SPATA18: variants seen among roughly 807,000 people sequenced by gnomAD.
SPATA18 encodes the protein spermatogenesis associated 18, also known as mitochondria-eating protein.
SPATA18 carries 54 observed loss-of-function variants against 68.1 expected under a neutral mutation model. The observed-to-expected ratio is 0.79, with a 90% CI of 0.64 to 0.99. The LOEUF (loss-of-function observed/expected upper bound fraction) is 0.99. SPATA18 is among the 50% of genes least tolerant of loss of function. The probability of loss-of-function intolerance (pLI) is 0.00; values close to 1 mark genes in which losing one functional copy is unlikely to be tolerated. For missense variants in SPATA18, 724 were observed against 681.1 expected, an observed-to-expected ratio of 1.06 and a Z score of -0.70; for synonymous variants, 242 against 244.8, an observed-to-expected ratio of 0.99 and a Z score of 0.11.
At chr4:52,094,703 T>C in intron 12 of SPATA18, 131 bp downstream of exon 12, 4 of 1,274,596 alleles carry the variant, frequency 3.1e-6, no homozygotes, top group South Asian at 1.2e-5. Context: ...ACACCTTTCA[T>C]GTCTGGGCCT....
intron 5 of SPATA18, among the ~76,000 whole-genome samples, chr4:52,070,880 T>TGGG (rs34959256): frequency 3.3e-4 from 47 of 143,870 alleles, no homozygotes; most frequent in African/African-American, 1.0e-3. Flanking sequence ...AAAGAGTAAG[T>TGGG]GGGGGGGGGG....
intron 1 of SPATA18, among the ~76,000 whole-genome samples, chr4:52,052,699 A>G (rs1738006371): frequency 6.6e-6 from 1 of 152,210 alleles, no homozygotes; most frequent in African/African-American, 2.4e-5. Context: ...TTAGTACCTC[A>G]TCTGTGAAAT....
intron 2 of SPATA18, 59 bp downstream of exon 2, chr4:52,060,583 G>T: frequency 1.3e-6 from 2 of 1,520,240 alleles, no homozygotes; most frequent in Non-Finnish European, 1.8e-6. Context: ...TTTTCTTGGT[G>T]CTTTTTTGTG....
chr4:52,052,572 G>A (rs2860055), intron 1 of SPATA18, among the ~76,000 whole-genome samples: 2,127 of 152,242 alleles, frequency 0.014, 25 homozygotes, highest in Non-Finnish European at 0.02. Context: ...TACATAATAA[G>A]TGGAGCGGCC....
chr4:52,059,809 T>C (rs1324381086), intron 1 of SPATA18, among the ~76,000 whole-genome samples: 1 of 152,226 alleles, frequency 6.6e-6, no homozygotes, highest in Non-Finnish European at 1.5e-5. Context: ...GCATATATAA[T>C]ATATACAAAT....
rs1323976001 is a variant in SPATA18, at chr4:52,051,624, A to G, written c.-81A>G. On this transcript the variant is annotated 5_prime_UTR_variant, in exon 1 of 13. Coordinates refer to ENST00000295213, the MANE Select transcript of SPATA18 (RefSeq NM_145263.4). ...AAGAGAACACCCTTCCCGCCATATC[A>G]CCCCACGGTCCTGCGGAGGCCACCG... 5 of 1,308,938 alleles carry G rather than the reference A, an allele frequency of 3.8e-6. No homozygotes were observed. The highest frequency in any genetic ancestry group is 5.5e-6 in the Non-Finnish European group (5 of 903,792). The allele number at this position is 1,308,938 out of a possible 1,614,324, so 81.1% of individuals were successfully genotyped here.
At chr4:52,084,250 A>G (rs996632299) in intron 10 of SPATA18, among the ~76,000 whole-genome samples, 3 of 152,166 alleles carry the variant, frequency 2.0e-5, no homozygotes, top group Non-Finnish European at 4.4e-5. Flanking sequence ...TCAAATAGCC[A>G]TTGCCTTTTA....
chr4:52,051,804 G>T lies in SPATA18; in HGVS notation c.87+13G>T. The stretch of plus-strand genomic sequence containing the variant: ...GAAGGAGTACAACGTGAGTCTGGGT[G>T]AAAAACCCCCGGGGTTCGCCCTCCC... On this transcript the variant is annotated intron_variant, in intron 1 of 12. Coordinates refer to ENST00000295213, the MANE Select transcript of SPATA18 (RefSeq NM_145263.4). The T allele has an allele frequency of 6.2e-7, 1 of 1,611,832 alleles. No homozygotes were observed. The highest frequency in any genetic ancestry group is 1.1e-5 in the South Asian group (1 of 91,074).
At chr4:52,079,978 T>G (rs528826806) in intron 9 of SPATA18, 59 bp downstream of exon 9, 2 of 1,544,352 alleles carry the variant, frequency 1.3e-6, no homozygotes, top group African/African-American at 2.8e-5. Context: ...TCTTGTCTGT[T>G]TCCTGAAAAC....
intron 10 of SPATA18, among the ~76,000 whole-genome samples, chr4:52,084,008 C>T (rs968048369): frequency 6.1e-5 from 9 of 148,460 alleles, no homozygotes; most frequent in Admixed American, 2.7e-4. Context: ...CAAAGTGCTG[C>T]GATTACAGGC....
In SPATA18 at chr4:52,076,786, A is replaced by C; in HGVS notation, c.766A>C (p.Arg256=). 3 of 1,613,460 alleles carry C rather than the reference A, an allele frequency of 1.9e-6. No individual in the cohort carries two copies. Among genetic ancestry groups the C allele is most frequent in the Non-Finnish European group, 2.5e-6 (3 of 1,179,542 alleles). Reference sequence around the variant, plus strand: ...ATTCTCGCTCACCAACAGGTCCTCCAGGAGCCGGTCTCCCAGCCCTGCCCC... The same window carrying C: ...ATTCTCGCTCACCAACAGGTCCTCCCGGAGCCGGTCTCCCAGCCCTGCCCC... ...EKSALQGRSS[R]SRSPSPAPRS... is the part of the protein sequence containing the mutation. The change falls in exon 7 of 13, where the codon AGG becomes CGG. Residue 256 remains arginine, a synonymous_variant. Coordinates refer to ENST00000295213, the MANE Select transcript of SPATA18 (RefSeq NM_145263.4).
intron 1 of SPATA18, among the ~76,000 whole-genome samples, chr4:52,054,474 G>T (rs1326943829): frequency 6.6e-6 from 1 of 152,182 alleles, no homozygotes; most frequent in African/African-American, 2.4e-5. Flanking sequence ...TGATGAATGG[G>T]TTGGCCACAT....
intron 10 of SPATA18, 144 bp from the exon 11 acceptor site, chr4:52,084,770 AGT>A: frequency 1.5e-6 from 1 of 682,740 alleles, no homozygotes; most frequent in Non-Finnish European, 2.5e-6. Flanking sequence ...AGGTGAACGG[AGT>A]GTGGCTTGTG....
At chr4:52,074,241 T>C (rs1163556003) in intron 6 of SPATA18, among the ~76,000 whole-genome samples, 2 of 152,160 alleles carry the variant, frequency 1.3e-5, no homozygotes, top group African/African-American at 2.4e-5. Flanking sequence ...ATTATGAAGA[T>C]AGAATAAAGC....
At chr4:52,056,447 A>G (rs892737480) in intron 1 of SPATA18, among the ~76,000 whole-genome samples, 1 of 152,168 alleles carries the variant, frequency 6.6e-6, no homozygotes, top group African/African-American at 2.4e-5. Context: ...GATTAAATGG[A>G]GCCATGTATA....
chr4:52,068,987 C>T (rs1336358116), intron 4 of SPATA18, among the ~76,000 whole-genome samples: 1 of 152,116 alleles, frequency 6.6e-6, no homozygotes, highest in Non-Finnish European at 1.5e-5. Context: ...CCTCAGCCTC[C>T]TGAGTAGCTG....
At position 52,077,032 on chromosome 4, in the gene SPATA18, G is replaced by A. The variant is rs765175108; in HGVS notation, c.1012G>A (p.Ala338Thr). The change falls in exon 7 of 13, where the codon GCC (alanine) becomes ACC (threonine). Residue 338 changes from alanine (A) to threonine (T), a missense_variant. Ala to Thr is a moderately conservative substitution (Grantham distance 58). Coordinates refer to ENST00000295213, the MANE Select transcript of SPATA18 (RefSeq NM_145263.4). ...GACCGTTCAGCGGATCATCTACATC[G>A]CCACAGTGGTATGTGACGCCTGCGG... ...AETVQRIIYI[A>T]TVEAFHVAKM... 10 of 1,602,780 alleles carry A rather than the reference G, an allele frequency of 6.2e-6. No individual in the cohort carries two copies. The highest frequency in any genetic ancestry group is 4.5e-5 in the East Asian group (2 of 44,314).
chr4:52,069,921 G>C lies in SPATA18; in HGVS notation c.518+5G>C. 1.3e-6 allele frequency: 2 copies of C among 1,579,348 alleles called. No individual in the cohort carries two copies. The highest frequency in any genetic ancestry group is 1.7e-6 in the Non-Finnish European group (2 of 1,159,580). ...AATAAATCAGCTGAAAAAGCAGTAAGAAAAAAATTACAGGATTATTGCAGC... is the reference window on the plus strand; with the variant it reads ...AATAAATCAGCTGAAAAAGCAGTAACAAAAAAATTACAGGATTATTGCAGC... On this transcript the variant is annotated splice_donor_5th_base_variant and intron_variant, in intron 5 of 12. Transcript: ENST00000295213.
intron 4 of SPATA18, among the ~76,000 whole-genome samples, chr4:52,066,262 T>C (rs1739304068): frequency 1.3e-5 from 2 of 152,152 alleles, no homozygotes; most frequent in Non-Finnish European, 2.9e-5. Context: ...GCCATTCTCC[T>C]GCCTCAGCCT....
Sources: allele counts gnomAD v4.1 joint callset (sites outside exome capture counted in the v4.1 genomes callset), GRCh38; gene constraint gnomAD v4.1.1; transcripts MANE v1.5; gene names NCBI Gene and HGNC (gene_info 2026-07-23, HGNC 2026-07-21).